The following CCDC83 variants were observed in gnomAD, a reference collection of about 807,000 sequenced individuals.
CCDC83 encodes the protein coiled-coil domain containing 83, also known as coiled-coil domain-containing protein 83.
CCDC83 carries 54 observed loss-of-function variants against 50.1 expected under a neutral mutation model. That is an observed-to-expected ratio of 1.08 (90% CI 0.87 to 1.35). The LOEUF (loss-of-function observed/expected upper bound fraction) is 1.35. Ranked by LOEUF, CCDC83 falls within the 40% of genes most tolerant of loss-of-function variation. The pLI, the probability that CCDC83 is intolerant of heterozygous loss-of-function variation, is 0.00. For missense variants in CCDC83, 518 were observed against 473.9 expected (o/e 1.09, Z -0.86); for synonymous variants, 161 against 153.3 (o/e 1.05, Z -0.37).
intron 8 of CCDC83, among the ~76,000 whole-genome samples, chr11:85,914,329 A>T (rs759099843): frequency 6.6e-5 from 10 of 152,184 alleles, no homozygotes; most frequent in Non-Finnish European, 1.3e-4. Context: ...CTTCAGGTAA[A>T]CCTCATGGAA....
chr11:85,905,969 CAAAAAAAAAAAA>C (rs760367430), intron 7 of CCDC83, among the ~76,000 whole-genome samples: 7 of 47,644 alleles, frequency 1.5e-4, no homozygotes, highest in African/African-American at 2.9e-4. Flanking sequence ...GACTCCGTCT[CAAAAAAAAAAAA>C]AAAAAAAAAA....
At chr11:85,888,873 TCTA>T (rs1277772976) in intron 5 of CCDC83, among the ~76,000 whole-genome samples, 1 of 152,240 alleles carries the variant, frequency 6.6e-6, no homozygotes, top group Non-Finnish European at 1.5e-5. Context: ...AATCTTATTC[TCTA>T]CTATCTATTC....
In CCDC83 at chr11:85,897,885, G is replaced by A. The variant is rs112440052; in HGVS notation, c.604-1062G>A. Among the ~76,000 whole-genome samples the A allele has an allele frequency of 8.8e-4, 134 of 152,224 alleles. 1 individual carries two copies. The highest frequency in any genetic ancestry group is 2.9e-3 in the African/African-American group (120 of 41,538). ...TAAAGACTTTAATAGGGCTGGGCGC[G>A]GTGGCTCACACCTGTAATCCCAGCA... On this transcript the variant is annotated intron_variant, in intron 6 of 10. Coordinates refer to ENST00000342404, the MANE Select transcript of CCDC83 (RefSeq NM_001286159.2).
At chr11:85,873,919 A>T (rs1301120957) in intron 3 of CCDC83, among the ~76,000 whole-genome samples, 1 of 152,148 alleles carries the variant, frequency 6.6e-6, no homozygotes, top group Non-Finnish European at 1.5e-5. Context: ...CTTTTAACAC[A>T]TTTATTTTAT....
At chr11:85,914,092 T>C (rs542122727) in intron 8 of CCDC83, among the ~76,000 whole-genome samples, 15 of 152,364 alleles carry the variant, frequency 9.8e-5, no homozygotes, top group Non-Finnish European at 2.2e-4. Context: ...CTAAGGTACC[T>C]TTACTAAACT....
intron 2 of CCDC83, among the ~76,000 whole-genome samples, chr11:85,871,097 G>T (rs1042149392): frequency 2.6e-4 from 40 of 152,164 alleles, no homozygotes; most frequent in African/African-American, 9.4e-4. Context: ...AACCTGGGAG[G>T]GGGAGTTTGC....
intron 1 of CCDC83, among the ~76,000 whole-genome samples, chr11:85,864,248 G>A (rs1483911633): frequency 6.6e-6 from 1 of 152,120 alleles, no homozygotes; most frequent in Non-Finnish European, 1.5e-5. Flanking sequence ...AATTACAAAG[G>A]TTATATTTTA....
At chr11:85,891,526 A>G (rs1216817815) in intron 5 of CCDC83, among the ~76,000 whole-genome samples, 1 of 152,210 alleles carries the variant, frequency 6.6e-6, no homozygotes. Flanking sequence ...GTCATTAGAT[A>G]ATTACAGTCA....
chr11:85,918,493 G>A (rs945994837), intron 10 of CCDC83, among the ~76,000 whole-genome samples: 6 of 152,202 alleles, frequency 3.9e-5, no homozygotes, highest in African/African-American at 1.4e-4. Flanking sequence ...ACATTGGGTA[G>A]GGCGTGAGCT....
intron 10 of CCDC83, among the ~76,000 whole-genome samples, chr11:85,917,192 G>GAA (rs368407830): frequency 0.11 from 8,584 of 77,852 alleles, 465 homozygotes; most frequent in African/African-American, 0.13. Flanking sequence ...AAGAAAGAAA[G>GAA]AGAAAGAAAG....
chr11:85,897,435 G>C (rs1022407245), intron 6 of CCDC83, among the ~76,000 whole-genome samples: 2 of 152,162 alleles, frequency 1.3e-5, no homozygotes, highest in African/African-American at 4.8e-5. Context: ...ATTTTAGCTG[G>C]CTATTTTATC....
intron 3 of CCDC83, 66 bp downstream of exon 3, chr11:85,873,361 T>G: frequency 3.4e-6 from 2 of 591,456 alleles, no homozygotes; most frequent in Non-Finnish European, 5.8e-6. Flanking sequence ...TAAAAAATTG[T>G]GGATTATGGT....
At position 85,858,529 on chromosome 11, in the gene CCDC83, C is replaced by T. The variant is rs577031451; in HGVS notation, c.-29+2945C>T. Among the ~76,000 whole-genome samples the T allele has an allele frequency of 7.4e-4, 113 of 152,312 alleles. No individual in the cohort carries two copies. In the South Asian group the frequency reaches 0.022, roughly 30 times the overall value. Reference sequence around the variant, plus strand: ...CTGGTCACTCAGTTTTTGGCCTCTGCTGCATCCCTCATACTGTTCCAAGTG... The same window carrying T: ...CTGGTCACTCAGTTTTTGGCCTCTGTTGCATCCCTCATACTGTTCCAAGTG... On this transcript the variant is annotated intron_variant, in intron 1 of 10. Transcript: ENST00000342404.
chr11:85,897,034 G>A (rs542700703), intron 6 of CCDC83, among the ~76,000 whole-genome samples: 2 of 152,156 alleles, frequency 1.3e-5, no homozygotes, highest in African/African-American at 4.8e-5. Flanking sequence ...TCAGCAATTT[G>A]TTTGCTCATG....
chr11:85,899,076 C>A, intron 7 of CCDC83, 61 bp downstream of exon 7: 1 of 1,262,260 alleles, frequency 7.9e-7, no homozygotes, highest in Non-Finnish European at 1.2e-6. Flanking sequence ...GTGGAAATGA[C>A]TTTTAATTAT....
At chr11:85,904,104 C>T (rs1433300444) in intron 7 of CCDC83, among the ~76,000 whole-genome samples, 64 of 152,096 alleles carry the variant, frequency 4.2e-4, no homozygotes, top group African/African-American at 2.4e-5. Flanking sequence ...ATGACTCTCC[C>T]GTCAGTTCAG....
chr11:85,900,480 C>T (rs557292804), intron 7 of CCDC83, among the ~76,000 whole-genome samples: 3 of 152,178 alleles, frequency 2.0e-5, no homozygotes, highest in Non-Finnish European at 2.9e-5. Flanking sequence ...GTTCACACCA[C>T]CTGCCATACC....
At chr11:85,916,268 G>T in intron 10 of CCDC83, 35 bp downstream of exon 10, 1 of 1,391,724 alleles carries the variant, frequency 7.2e-7, no homozygotes, top group African/African-American at 1.4e-5. Flanking sequence ...TGACTACTAA[G>T]AAAATGCTGT....
At position 85,895,287 on chromosome 11, in the gene CCDC83, T is replaced by C; in HGVS notation, c.512-6T>C. On this transcript the variant is annotated splice_region_variant and splice_polypyrimidine_tract_variant and intron_variant, in intron 5 of 10. Transcript: ENST00000342404. ...TTCTTTTTTTTTTTTTTTTTTTTTT[T>C]TAAAGAACACTATAAAATCACTCTG... is the stretch of plus-strand genomic sequence containing the variant. 2.4e-6 allele frequency: 2 copies of C among 839,698 alleles called. No homozygotes were observed. Among genetic ancestry groups the C allele is most frequent in the Non-Finnish European group, 3.6e-6 (2 of 559,422 alleles). The allele number at this position is 839,698 out of a possible 1,614,324, so 52.0% of individuals were successfully genotyped here.
Sources: allele counts gnomAD v4.1 joint callset (sites outside exome capture counted in the v4.1 genomes callset), GRCh38; gene constraint gnomAD v4.1.1; transcripts MANE v1.5; gene names NCBI Gene and HGNC (gene_info 2026-07-23, HGNC 2026-07-21).